Variants in DDX50 observed in about 807,000 individuals in gnomAD.
DDX50 encodes the protein DExD-box helicase 50.
DDX50 carries 56 observed loss-of-function variants against 94.8 expected under a neutral mutation model. The ratio of observed to expected loss-of-function variants is 0.59; its 90% CI spans 0.48 to 0.74. The LOEUF (loss-of-function observed/expected upper bound fraction) is 0.74. DDX50 is among the 30% of genes least tolerant of loss of function. The pLI is 0.00. For synonymous variants in DDX50, 264 were observed against 295.4 expected (o/e 0.89, Z 1.09); for missense variants, 713 against 881.2 (o/e 0.81, Z 2.42).
intron 1 of DDX50, among the ~76,000 whole-genome samples, chr10:68,902,779 G>A (rs1014798625): frequency 6.6e-6 from 1 of 152,158 alleles, no homozygotes; most frequent in Non-Finnish European, 1.5e-5. Flanking sequence ...CCTGTCCAGC[G>A]GTCAAGGCCT....
intron 1 of DDX50, among the ~76,000 whole-genome samples, chr10:68,905,218 C>G (rs1055832031): frequency 6.6e-6 from 1 of 152,124 alleles, no homozygotes; most frequent in Non-Finnish European, 1.5e-5. Flanking sequence ...CGGCTAGCCA[C>G]CAGGCTAAAG....
At chr10:68,908,451 C>CAAAAAA (rs71223162) in intron 2 of DDX50, among the ~76,000 whole-genome samples, 10 of 43,564 alleles carry the variant, frequency 2.3e-4, no homozygotes, top group East Asian at 1.6e-3. Flanking sequence ...AACTCCATCT[C>CAAAAAA]AAAAAAAAAA....
intron 8 of DDX50, among the ~76,000 whole-genome samples, chr10:68,930,322 T>A (rs1226244767): frequency 2.0e-5 from 3 of 151,896 alleles, no homozygotes; most frequent in Admixed American, 2.0e-4. Flanking sequence ...TTCACCACAT[T>A]GGCCAGTCTG....
At chr10:68,929,975 C>T (rs539527107) in intron 8 of DDX50, among the ~76,000 whole-genome samples, 24 of 151,894 alleles carry the variant, frequency 1.6e-4, no homozygotes, top group East Asian at 3.9e-4. Flanking sequence ...TCAAGTGATC[C>T]GCCCACTTTG....
rs139990612 is a variant in DDX50 at position 68,928,792 on chromosome 10, C to T, written c.1240-5407C>T. ...TACACTCCTATACCCACTCTGTCTC[C>T]AGCATTCCCTAGGGCTAAATCATAC... On this transcript the variant is annotated intron_variant, in intron 8 of 14. Coordinates refer to ENST00000373585, the MANE Select transcript of DDX50 (RefSeq NM_024045.2). Among the ~76,000 whole-genome samples the T allele has an allele frequency of 3.7e-3, 565 of 152,254 alleles. 7 individuals carry two copies. The highest frequency in any genetic ancestry group is 0.013 in the African/African-American group (538 of 41,540).
chr10:68,930,681 G>C (rs1365683150), intron 8 of DDX50, among the ~76,000 whole-genome samples: 1 of 152,130 alleles, frequency 6.6e-6, no homozygotes, highest in Non-Finnish European at 1.5e-5. Flanking sequence ...TGGGGAGACA[G>C]GGTCTCACTC....
At chr10:68,936,124 G>A (rs1307009138) in intron 11 of DDX50, 45 bp downstream of exon 11, 3 of 1,487,632 alleles carry the variant, frequency 2.0e-6, no homozygotes, top group Non-Finnish European at 2.8e-6. Flanking sequence ...TTTGTATTAG[G>A]CTATTCATCT....
rs778018752 is a variant in DDX50, at chr10:68,911,113, G to A, written c.506G>A (p.Gly169Asp). The stretch of plus-strand genomic sequence containing the variant: ...TTTCCTATTCAAGTTAAGACCTTTG[G>A]TCCTGTATATGAAGGAAAAGATTTA... ...YLFPIQVKTF[G>D]PVYEGKDLIA... The change falls in exon 4 of 15, where the codon GGT becomes GAT. Residue 169 changes from glycine to aspartate, a missense_variant. Transcript: ENST00000373585. The A allele has an allele frequency of 4.2e-5, 68 of 1,603,804 alleles. No homozygotes were observed. In the South Asian group the frequency reaches 7.6e-4, roughly 18 times the overall value.
At chr10:68,903,689 T>A (rs1345080110) in intron 1 of DDX50, among the ~76,000 whole-genome samples, 2 of 151,934 alleles carry the variant, frequency 1.3e-5, no homozygotes, top group Non-Finnish European at 2.9e-5. Flanking sequence ...TAATCCCAGC[T>A]ACTCAGGAGG....
At chr10:68,939,716 CT>C (rs1480887748) in intron 12 of DDX50, among the ~76,000 whole-genome samples, 2 of 152,192 alleles carry the variant, frequency 1.3e-5, no homozygotes, top group Non-Finnish European at 2.9e-5. Flanking sequence ...CCAGAGAGGT[CT>C]TTCTTGATCA....
At chr10:68,932,208 G>T (rs1038691469) in intron 8 of DDX50, among the ~76,000 whole-genome samples, 6 of 152,204 alleles carry the variant, frequency 3.9e-5, no homozygotes, top group African/African-American at 1.4e-4. Flanking sequence ...TCATGTATAT[G>T]TTAAGCTATT....
At chr10:68,945,667 T>C (rs866143381) in intron 14 of DDX50, among the ~76,000 whole-genome samples, 1 of 152,218 alleles carries the variant, frequency 6.6e-6, no homozygotes, top group Non-Finnish European at 1.5e-5. Flanking sequence ...TAGCAAGATA[T>C]AAAATAGTGA....
At chr10:68,916,930 C>A (rs1271739546) in intron 7 of DDX50, among the ~76,000 whole-genome samples, 1 of 152,138 alleles carries the variant, frequency 6.6e-6, no homozygotes, top group African/African-American at 2.4e-5. Context: ...AAGTGATCCG[C>A]CTGCCTTGGT....
intron 12 of DDX50, among the ~76,000 whole-genome samples, chr10:68,939,295 T>A (rs1239577369): frequency 2.6e-5 from 4 of 152,198 alleles, no homozygotes; most frequent in African/African-American, 9.7e-5. Context: ...TAAAACATAT[T>A]TCTTTAGAAA....
intron 2 of DDX50, among the ~76,000 whole-genome samples, chr10:68,908,451 C>CAAAAA (rs71223162): frequency 1.4e-4 from 6 of 43,634 alleles, no homozygotes; most frequent in Admixed American, 2.8e-4. Flanking sequence ...AACTCCATCT[C>CAAAAA]AAAAAAAAAA....
chr10:68,904,761 C>A (rs1026609900), intron 1 of DDX50, among the ~76,000 whole-genome samples: 3 of 152,154 alleles, frequency 2.0e-5, no homozygotes, highest in Non-Finnish European at 4.4e-5. Context: ...AAGGCTGAAT[C>A]GATAAATAAT....
intron 1 of DDX50, among the ~76,000 whole-genome samples, chr10:68,901,763 C>T (rs1841294357): frequency 1.3e-5 from 2 of 152,236 alleles, no homozygotes; most frequent in South Asian, 4.1e-4. Flanking sequence ...ACCATGGAAT[C>T]TGTTCTTTCT....
chr10:68,936,401 A>G (rs1842407777), intron 11 of DDX50, among the ~76,000 whole-genome samples: 3 of 141,466 alleles, frequency 2.1e-5, no homozygotes, highest in African/African-American at 7.8e-5. Context: ...GAGCAGGAGA[A>G]TGGTGTGAAC....
intron 2 of DDX50, 121 bp from the exon 3 acceptor site, chr10:68,910,186 C>CA (rs35271752): frequency 0.06 from 40,491 of 678,082 alleles, 17 homozygotes; most frequent in Non-Finnish European, 0.064. Context: ...GACCCTGTTT[C>CA]AAAAAAAAAA....
Sources: allele counts gnomAD v4.1 joint callset (sites outside exome capture counted in the v4.1 genomes callset), GRCh38; gene constraint gnomAD v4.1.1; transcripts MANE v1.5; gene names NCBI Gene and HGNC (gene_info 2026-07-23, HGNC 2026-07-21).